TDRD9: variants seen among roughly 807,000 people sequenced by gnomAD.
TDRD9 encodes tudor domain containing 9.
Under a neutral mutation model 172.6 loss-of-function variants are expected in TDRD9, and 124 were observed. The observed-to-expected ratio is 0.72, with a 90% CI of 0.62 to 0.83. The LOEUF (loss-of-function observed/expected upper bound fraction) is 0.83, where lower values mean the gene tolerates loss of function less well. Ranked by LOEUF, TDRD9 falls within the 40% of genes least tolerant of loss-of-function variation. TDRD9 has a pLI of 0.00. For missense variants in TDRD9, 1,479 were observed against 1,714.1 expected, an observed-to-expected ratio of 0.86 and a Z score of 2.42; for synonymous variants, 619 against 617.1, an observed-to-expected ratio of 1.00 and a Z score of -0.05.
chr14:104,041,714 A>C (rs1403721266), intron 33 of TDRD9, among the ~76,000 whole-genome samples: 1 of 152,196 alleles, frequency 6.6e-6, no homozygotes, highest in Admixed American at 6.5e-5. Context: ...GTGCAGGGGG[A>C]CCGGGGACCT....
chr14:103,946,082 C>G (rs1428275484), intron 1 of TDRD9, among the ~76,000 whole-genome samples: 1 of 152,046 alleles, frequency 6.6e-6, no homozygotes, highest in Non-Finnish European at 1.5e-5. Flanking sequence ...TCTCCCACCT[C>G]AGCCTCTCAA....
chr14:104,004,018 T>C (rs546691885), intron 13 of TDRD9, among the ~76,000 whole-genome samples: 1 of 152,344 alleles, frequency 6.6e-6, no homozygotes, highest in South Asian at 2.1e-4. Context: ...GTTCTATTTA[T>C]TCTAATTTTT....
chr14:103,952,888 C>A (rs990160942), intron 1 of TDRD9, among the ~76,000 whole-genome samples: 2 of 151,528 alleles, frequency 1.3e-5, no homozygotes, highest in Non-Finnish European at 2.9e-5. Context: ...TACAGGTGCT[C>A]GCCACCACGT....
In TDRD9 at chr14:104,031,302, G is replaced by C. The variant is rs140445285; in HGVS notation, c.3438+39G>C. The stretch of plus-strand genomic sequence containing the variant: ...TTTTAAAATGTAATTTAAAAGCTTA[G>C]TATCATTTTACATTTATGTGCTAGG... On this transcript the variant is annotated intron_variant, in intron 29 of 35. Coordinates refer to ENST00000409874, the MANE Select transcript of TDRD9 (RefSeq NM_153046.3). The C allele has an allele frequency of 3.3e-6, 5 of 1,524,140 alleles. No individual in the cohort carries two copies. The Admixed American group carries it at 8.5e-5, about 26-fold the overall frequency. The allele number at this position is 1,524,140 out of a possible 1,614,324, so 94.4% of individuals were successfully genotyped here.
At chr14:104,018,035 T>C in intron 22 of TDRD9, 57 bp from the exon 23 acceptor site, 1 of 1,041,144 alleles carries the variant, frequency 9.6e-7, no homozygotes. Context: ...CTTGTGAATG[T>C]TGAAACTATT....
intron 2 of TDRD9, among the ~76,000 whole-genome samples, chr14:103,959,725 C>T (rs117582318): frequency 0.01 from 1,583 of 152,270 alleles, 10 homozygotes; most frequent in Middle Eastern, 0.017. Context: ...CAAGGACACC[C>T]ATTCAGTGAA....
intron 2 of TDRD9, among the ~76,000 whole-genome samples, chr14:103,956,696 A>G (rs570951391): frequency 3.3e-4 from 50 of 152,152 alleles, no homozygotes; most frequent in Non-Finnish European, 6.0e-4. Context: ...TTAAAATGAC[A>G]TTTTAAACAA....
chr14:104,047,333 G>A (rs1199350705), intron 34 of TDRD9, among the ~76,000 whole-genome samples: 1 of 151,890 alleles, frequency 6.6e-6, no homozygotes, highest in Non-Finnish European at 1.5e-5. Context: ...TTTATCCTGT[G>A]ACCTTGTTAA....
chr14:103,933,790 A>G (rs981820129), intron 1 of TDRD9, among the ~76,000 whole-genome samples: 2 of 152,238 alleles, frequency 1.3e-5, no homozygotes, highest in Non-Finnish European at 2.9e-5. Flanking sequence ...CAGGTGACAC[A>G]GGAAATGAGC....
intron 1 of TDRD9, among the ~76,000 whole-genome samples, chr14:103,943,320 A>T (rs1055243507): frequency 1.3e-5 from 2 of 151,766 alleles, no homozygotes. Context: ...GGCTAGTTTA[A>T]AAAAATATAT....
At chr14:104,014,488 C>T (rs2034722121) in intron 20 of TDRD9, among the ~76,000 whole-genome samples, 1 of 151,910 alleles carries the variant, frequency 6.6e-6, no homozygotes. Flanking sequence ...GCCATGTTGC[C>T]CGGGCTGGTT....
At chr14:104,025,063 C>CCTCT (rs1368249801) in intron 25 of TDRD9, among the ~76,000 whole-genome samples, 1 of 152,186 alleles carries the variant, frequency 6.6e-6, no homozygotes, top group Non-Finnish European at 1.5e-5. Context: ...TTCACTGCAA[C>CCTCT]CTCTGCCTTC....
chr14:104,009,072 T>C (rs1223806254), intron 20 of TDRD9, among the ~76,000 whole-genome samples: 1 of 152,236 alleles, frequency 6.6e-6, no homozygotes, highest in Non-Finnish European at 1.5e-5. Flanking sequence ...CTAGATGGTA[T>C]GGCCCACTAC....
chr14:104,009,193 C>T (rs1342242105), intron 20 of TDRD9, among the ~76,000 whole-genome samples: 1 of 152,044 alleles, frequency 6.6e-6, no homozygotes, highest in East Asian at 1.9e-4. Flanking sequence ...TATTTCTGTA[C>T]CTAAACATAA....
At chr14:104,030,470 G>A (rs1409862454) in intron 28 of TDRD9, among the ~76,000 whole-genome samples, 1 of 152,228 alleles carries the variant, frequency 6.6e-6, no homozygotes, top group East Asian at 1.9e-4. Flanking sequence ...CAGCCTGGGC[G>A]ACAAGAGTGA....
intron 13 of TDRD9, among the ~76,000 whole-genome samples, chr14:104,001,221 A>T (rs1048159851): frequency 6.6e-6 from 1 of 152,244 alleles, no homozygotes; most frequent in Admixed American, 6.5e-5. Flanking sequence ...GCCCCCTTGC[A>T]GCCATACCTG....
chr14:104,019,887 G>A (rs2034901680), intron 23 of TDRD9, among the ~76,000 whole-genome samples: 1 of 152,320 alleles, frequency 6.6e-6, no homozygotes, highest in Middle Eastern at 3.4e-3. Context: ...CAATATTAGA[G>A]CAGTAACATT....
At chr14:103,975,873 A>G (rs2152167850) in intron 7 of TDRD9, among the ~76,000 whole-genome samples, 1 of 152,286 alleles carries the variant, frequency 6.6e-6, no homozygotes, top group Non-Finnish European at 1.5e-5. Context: ...AGTTTTTGTC[A>G]ACTGTAGTCA....
At chr14:104,013,864 C>A (rs8007491) in intron 20 of TDRD9, 138,229 of 152,018 alleles carry the variant, frequency 0.91, 63,896 homozygotes, top group Non-Finnish European at 1. Flanking sequence ...TGTGTTGATC[C>A]GTGTGGGATT....
Sources: allele counts gnomAD v4.1 joint callset (sites outside exome capture counted in the v4.1 genomes callset), GRCh38; gene constraint gnomAD v4.1.1; transcripts MANE v1.5; gene names NCBI Gene and HGNC (gene_info 2026-07-23, HGNC 2026-07-21).